Variants in ABHD5 observed in about 807,000 individuals in gnomAD.
ABHD5 encodes 1-acylglycerol-3-phosphate O-acyltransferase ABHD5.
Under a neutral mutation model 44.9 loss-of-function variants are expected in ABHD5, and 30 were observed. The observed-to-expected ratio is 0.67, with a 90% CI of 0.50 to 0.91. The LOEUF (loss-of-function observed/expected upper bound fraction) is 0.91. Among genes scored for constraint, ABHD5 ranks in the 40% least tolerant of loss-of-function variants. The pLI, the probability that ABHD5 is intolerant of heterozygous loss-of-function variation, is 0.00. For synonymous variants in ABHD5, 167 were observed against 147.0 expected (o/e 1.14, Z -0.99); for missense variants, 399 against 423.4 (o/e 0.94, Z 0.50).
At chr3:43,710,843 CTTTG>C (rs1167185167) in intron 3 of ABHD5, among the ~76,000 whole-genome samples, 12 of 152,064 alleles carry the variant, frequency 7.9e-5, no homozygotes, top group Admixed American at 7.2e-4. Context: ...GATCTTTGTA[CTTTG>C]TTTGGAATCT....
At chr3:43,690,928 G>T, upstream of ABHD5, 1 of 1,514,410 alleles carries the variant, frequency 6.6e-7, no homozygotes, top group Admixed American at 2.1e-5. Context: ...GCGCCAGCCC[G>T]GGGCGGCCCA....
At chr3:43,703,467 C>T (rs1326030350) in intron 3 of ABHD5, among the ~76,000 whole-genome samples, 1 of 152,200 alleles carries the variant, frequency 6.6e-6, no homozygotes, top group East Asian at 1.9e-4. Flanking sequence ...ACCTGAGCCA[C>T]TGCACCCAGC....
intron 7 of ABHD5, among the ~76,000 whole-genome samples, chr3:43,730,075 A>G (rs1342881155): frequency 1.3e-5 from 2 of 152,240 alleles, no homozygotes; most frequent in Non-Finnish European, 1.5e-5. Context: ...AATGACATTT[A>G]TGGAACACTT....
At chr3:43,697,691 A>G (rs1460530897) in intron 1 of ABHD5, among the ~76,000 whole-genome samples, 1 of 152,236 alleles carries the variant, frequency 6.6e-6, no homozygotes, top group Non-Finnish European at 1.5e-5. Flanking sequence ...AAAAAGTACA[A>G]TATATGAAAA....
At chr3:43,727,911 A>G (rs953138342) in intron 7 of ABHD5, among the ~76,000 whole-genome samples, 13 of 152,074 alleles carry the variant, frequency 8.5e-5, no homozygotes, top group Non-Finnish European at 1.6e-4. Flanking sequence ...ACCTGGCCGT[A>G]TTTGTACTAC....
intron 1 of ABHD5, among the ~76,000 whole-genome samples, chr3:43,699,047 A>G (rs2084507301): frequency 6.6e-6 from 1 of 152,206 alleles, no homozygotes. Flanking sequence ...CTATCCATGA[A>G]TAAGATGGAC....
At chr3:43,705,759 G>GA (rs2084610400) in intron 3 of ABHD5, among the ~76,000 whole-genome samples, 1 of 152,230 alleles carries the variant, frequency 6.6e-6, no homozygotes, top group Admixed American at 6.5e-5. Flanking sequence ...AGAGGACAGG[G>GA]AAAAATGAGT....
chr3:43,700,548 G>A (rs759349223), intron 2 of ABHD5, among the ~76,000 whole-genome samples: 1 of 151,944 alleles, frequency 6.6e-6, no homozygotes, highest in Non-Finnish European at 1.5e-5. Context: ...TATATCCTTA[G>A]GAAGGGATAA....
chr3:43,724,210 C>T (rs1327754363), downstream of ABHD5, among the ~76,000 whole-genome samples: 1 of 152,082 alleles, frequency 6.6e-6, no homozygotes, highest in Admixed American at 6.6e-5. Context: ...ATAACTCTTT[C>T]TAGGCATAAA....
At chr3:43,713,707 T>C (rs1369525700) in intron 4 of ABHD5, among the ~76,000 whole-genome samples, 4 of 152,176 alleles carry the variant, frequency 2.6e-5, no homozygotes, top group Admixed American at 2.0e-4. Context: ...TTTATAGTCC[T>C]GAAATATAAA....
downstream of ABHD5, among the ~76,000 whole-genome samples, chr3:43,724,568 TAA>T (rs1409366018): frequency 6.6e-6 from 1 of 152,172 alleles, no homozygotes; most frequent in Non-Finnish European, 1.5e-5. Context: ...CATAACTGAT[TAA>T]ATTATGCTAC....
intron 7 of ABHD5, among the ~76,000 whole-genome samples, chr3:43,728,688 G>A (rs142822120): frequency 3.9e-5 from 6 of 152,268 alleles, no homozygotes; most frequent in South Asian, 2.1e-4. Context: ...ATCTTTGACC[G>A]TGGGGACAGG....
rs141383973 is a variant in ABHD5 at position 43,702,530 on chromosome 3, T to C, written c.449T>C (p.Leu150Pro). 2.5e-6 allele frequency: 4 copies of C among 1,614,106 alleles called. No homozygotes were observed. In the African/African-American group the frequency reaches 4.0e-5, roughly 16 times the overall value. The stretch of plus-strand genomic sequence containing the variant: ...CTAGGATTGGACAAAATGATCTTGC[T>C]TGGGCACAACCTAGGTGGATTCTTG... ...CALGLDKMIL[L>P]GHNLGGFLAA... The change falls in exon 3 of 7, where the codon CTT becomes CCT. Residue 150 changes from leucine to proline, a missense_variant. Transcript: ENST00000644371.
At chr3:43,728,381 A>C (rs928109427) in intron 7 of ABHD5, among the ~76,000 whole-genome samples, 9 of 152,248 alleles carry the variant, frequency 5.9e-5, no homozygotes, top group Non-Finnish European at 1.0e-4. Context: ...TTGATGAACA[A>C]GTCAGCAACA....
chr3:43,728,729 C>A (rs919416366), intron 7 of ABHD5, among the ~76,000 whole-genome samples: 3 of 152,168 alleles, frequency 2.0e-5, no homozygotes, highest in African/African-American at 7.2e-5. Context: ...AGGTATCACA[C>A]ACATACCTAT....
intron 7 of ABHD5, among the ~76,000 whole-genome samples, chr3:43,731,002 G>A (rs2084909426): frequency 6.6e-6 from 1 of 151,836 alleles, no homozygotes; most frequent in Non-Finnish European, 1.5e-5. Context: ...CTAATTTTTT[G>A]TATTTTTAAT....
In ABHD5 at chr3:43,732,478, A is replaced by AT. The variant is rs1697257343; in HGVS notation, c.*30-1402_*30-1401insT. On this transcript the variant is annotated intron_variant, in intron 7 of 7. Transcript: ENST00000454293. Reference sequence around the variant, plus strand: ...AATAGAGGGGAGATGTGTACTTAAAAATCATACACATTAAAATTTGATAAT... The same window carrying AT: ...AATAGAGGGGAGATGTGTACTTAAAATATCATACACATTAAAATTTGATAAT... 2.0e-5 allele frequency among the ~76,000 whole-genome samples: 3 copies of AT among 152,156 alleles called. 1 individual carries two copies. In the South Asian group the frequency reaches 6.2e-4, roughly 31 times the overall value.
Position 43,714,978 on chromosome 3 carries a change from T to C in ABHD5, c.693T>C (p.Asp231=). ...GLSLVQRLRP[D]FKRKYSSMFE... ...GTCTAGTGCAGCGTTTAAGGCCTGATTTCAAACGAAAGTATTCTTCAATGT... is the reference window on the plus strand; with the variant it reads ...GTCTAGTGCAGCGTTTAAGGCCTGACTTCAAACGAAAGTATTCTTCAATGT... The change falls in exon 5 of 7, where the codon GAT becomes GAC. Residue 231 remains aspartate (D), a synonymous_variant. Coordinates refer to ENST00000644371, the MANE Select transcript of ABHD5 (RefSeq NM_016006.6). 1 of 1,613,610 alleles carries C rather than the reference T, an allele frequency of 6.2e-7. No individual in the cohort carries two copies. The highest frequency in any genetic ancestry group is 8.5e-7 in the Non-Finnish European group (1 of 1,179,702).
At chr3:43,694,645 G>A (rs1051958301) in intron 1 of ABHD5, among the ~76,000 whole-genome samples, 8 of 151,924 alleles carry the variant, frequency 5.3e-5, no homozygotes, top group Non-Finnish European at 1.2e-4. Flanking sequence ...GGGGAGATAC[G>A]TGTTACCAGC....
Sources: allele counts gnomAD v4.1 joint callset (sites outside exome capture counted in the v4.1 genomes callset), GRCh38; gene constraint gnomAD v4.1.1; transcripts MANE v1.5; gene names NCBI Gene and HGNC (gene_info 2026-07-23, HGNC 2026-07-21).